The following CCDC88A variants were observed in gnomAD, a reference collection of about 807,000 sequenced individuals.
CCDC88A encodes girdin.
A neutral mutation model predicts 234.3 loss-of-function variants in CCDC88A; 54 were observed. That is an observed-to-expected ratio of 0.23 (90% CI 0.19 to 0.29). The LOEUF is 0.29. Among genes scored for constraint, CCDC88A ranks in the 10% least tolerant of loss-of-function variants. The probability of loss-of-function intolerance (pLI) is 1.00; values close to 1 mark genes in which losing one functional copy is unlikely to be tolerated. For synonymous variants in CCDC88A, 753 were observed against 737.8 expected (o/e 1.02, Z -0.33); for missense variants, 1,832 against 2,123.4 (o/e 0.86, Z 2.70).
chr2:55,293,524 A>G (rs1573971250), intron 31 of CCDC88A: 2 of 151,024 alleles, frequency 1.3e-5, no homozygotes, highest in African/African-American at 4.9e-5. Flanking sequence ...TAGCTATCGG[A>G]AAAAAAGTGT....
At chr2:55,304,370 T>C (rs74593437) in intron 25 of CCDC88A, among the ~76,000 whole-genome samples, 2,151 of 152,282 alleles carry the variant, frequency 0.014, 27 homozygotes, top group Middle Eastern at 0.027. Flanking sequence ...AGAAAATAAA[T>C]TCCTTCTTGG....
At chr2:55,347,496 G>A (rs1298937692) in intron 9 of CCDC88A, among the ~76,000 whole-genome samples, 3 of 151,578 alleles carry the variant, frequency 2.0e-5, no homozygotes, top group African/African-American at 7.3e-5. Context: ...ATTAAGCAAG[G>A]TATTAAAGAG....
intron 31 of CCDC88A, chr2:55,294,654 G>A: frequency 1.0e-6 from 1 of 991,810 alleles, no homozygotes; most frequent in Non-Finnish European, 1.2e-6. Context: ...GGTGGGAAGA[G>A]GAGGAAGGGA....
chr2:55,333,152 T>G (rs1685119923), intron 15 of CCDC88A, among the ~76,000 whole-genome samples: 1 of 152,194 alleles, frequency 6.6e-6, no homozygotes, highest in African/African-American at 2.4e-5. Context: ...GAACTTGTTG[T>G]TCATGTTTAT....
At position 55,328,969 on chromosome 2, in the gene CCDC88A, C is replaced by T. The variant is rs1313114400; in HGVS notation, c.2856-534G>A. The T allele has an allele frequency of 6.6e-6, 1 of 152,394 alleles. No homozygotes were observed. Among genetic ancestry groups the T allele is most frequent in the Non-Finnish European group, 1.5e-5 (1 of 68,262 alleles). The allele number at this position is 152,394 out of a possible 1,614,324, so 9.4% of individuals were successfully genotyped here. ...ATTTTTAGTAGAGATGGGGTTTCAC[C>T]ATGTTGATCAGGCTGGTCTCGAACT... On this transcript the variant is annotated intron_variant, in intron 16 of 32. Transcript: ENST00000436346. This position sits in a 1 kb window ranked among gnomAD's most constrained non-coding sequence, Gnocchi z 4.3.
rs567992818 is a variant in CCDC88A at position 55,366,350 on chromosome 2, A to G, written c.403-2317T>C. Among the ~76,000 whole-genome samples, 44 of 152,078 alleles carry G rather than the reference A, an allele frequency of 2.9e-4. 1 individual carries two copies. The South Asian group carries it at 8.7e-3, about 30-fold the overall frequency. ...AGACCAGCCTGGCCAACATGGTGAC[A>G]CCCTGTCTCTATTAAAAATACAAAA... On this transcript the variant is annotated intron_variant, in intron 5 of 32. Coordinates refer to ENST00000436346, the MANE Select transcript of CCDC88A (RefSeq NM_001365480.1).
rs973790356 is a variant in CCDC88A, at chr2:55,328,005, G to C, written c.2997+289C>G. 6.6e-6 allele frequency among the ~76,000 whole-genome samples: 1 copy of C among 152,082 alleles called. No homozygotes were observed. The highest frequency in any genetic ancestry group is 1.5e-5 in the Non-Finnish European group (1 of 68,002). On this transcript the variant is annotated intron_variant, in intron 17 of 32. Transcript: ENST00000436346. The surrounding 1 kb of genome is among the most constrained non-coding windows in gnomAD (Gnocchi z 4.3). The stretch of plus-strand genomic sequence containing the variant: ...GAGTGAAATGTCAGTATCACAATGA[G>C]AGCTTTTCCCAATAAAATAAGCCTG...
At chr2:55,402,423 A>C (rs1049426990) in intron 2 of CCDC88A, among the ~76,000 whole-genome samples, 2 of 152,156 alleles carry the variant, frequency 1.3e-5, no homozygotes, top group African/African-American at 4.8e-5. Context: ...AAAAAGGAAA[A>C]TTATTTGATT....
At chr2:55,293,822 G>C (rs1679719805) in intron 31 of CCDC88A, 1 of 151,972 alleles carries the variant, frequency 6.6e-6, no homozygotes, top group African/African-American at 2.4e-5. Flanking sequence ...CTGGGAGTTA[G>C]AGATTCAAAT....
chr2:55,322,717 A>C (rs1332336361), intron 17 of CCDC88A, 25 bp from the exon 18 acceptor site: 1 of 1,287,930 alleles, frequency 7.8e-7, no homozygotes, highest in African/African-American at 1.5e-5. Context: ...AAAATATTTT[A>C]ATGGGGAGAA....
chr2:55,389,168 A>G (rs1676181812), intron 2 of CCDC88A, among the ~76,000 whole-genome samples: 1 of 152,240 alleles, frequency 6.6e-6, no homozygotes, highest in Non-Finnish European at 1.5e-5. Flanking sequence ...TCCTGGGATG[A>G]ATAACTTACT....
At chr2:55,367,528 G>GTTTTTTGTTTTTTT (rs1553419617) in intron 5 of CCDC88A, among the ~76,000 whole-genome samples, 2 of 99,878 alleles carry the variant, frequency 2.0e-5, no homozygotes, top group South Asian at 6.8e-4. Flanking sequence ...TTATTTCCTT[G>GTTTTTTGTTTTTTT]TTTTTTTTTA....
intron 1 of CCDC88A, 24 bp from the exon 2 acceptor site, chr2:55,418,940 A>T (rs1446744345): frequency 6.2e-7 from 1 of 1,603,208 alleles, no homozygotes; most frequent in African/African-American, 1.3e-5. Flanking sequence ...AAGGATCACC[A>T]CGACATGAAC....
chr2:55,419,289 C>T lies in CCDC88A; in HGVS notation c.-210G>A, dbSNP rs1435469123. 3 of 543,862 alleles carry T rather than the reference C, an allele frequency of 5.5e-6. No homozygotes were observed. Among genetic ancestry groups the T allele is most frequent in the African/African-American group, 3.8e-5 (2 of 52,682 alleles). 33.7% of individuals were successfully genotyped at this position (543,862 alleles called of 1,614,324 possible). A position where few individuals can be genotyped will look rare whatever the true frequency, so the allele number is the denominator to read the frequency against. On this transcript the variant is annotated 5_prime_UTR_variant, in exon 1 of 33. Transcript: ENST00000436346. ...CCCAAGAAGTGGCTTCGACGACGGA[C>T]ACCACGAGCAGCAGCCTGCGCTGGA...
chr2:55,412,934 G>C (rs369679475), intron 2 of CCDC88A, among the ~76,000 whole-genome samples: 14 of 152,284 alleles, frequency 9.2e-5, no homozygotes, highest in African/African-American at 2.2e-4. Flanking sequence ...CAGGCGCAGT[G>C]GCTCATGCCT....
rs755475280 is a variant in CCDC88A at position 55,318,309 on chromosome 2, G to C, written c.3325-468C>G. 3.9e-4 allele frequency among the ~76,000 whole-genome samples: 59 copies of C among 152,202 alleles called. No individual in the cohort carries two copies. The Middle Eastern group carries it at 0.027, about 70-fold the overall frequency. On this transcript the variant is annotated intron_variant, in intron 19 of 32. Transcript: ENST00000436346. ...TAATCAAAATCAGTGTCAAAGAAAA[G>C]GGTTACAGAAAGAAGAATTCTTTGA...
intron 22 of CCDC88A, chr2:55,314,748 C>T (rs1236392601): frequency 6.6e-6 from 1 of 152,162 alleles, no homozygotes; most frequent in African/African-American, 2.4e-5. Flanking sequence ...TGAATTATCA[C>T]AAAGTAAACA....
In CCDC88A at chr2:55,322,024, T is replaced by C. The variant is rs542123922; in HGVS notation, c.3162+504A>G. Among the ~76,000 whole-genome samples the C allele has an allele frequency of 2.0e-5, 3 of 152,174 alleles. No homozygotes were observed. The East Asian group carries it at 5.8e-4, about 29-fold the overall frequency. ...GGGTAAGTATTTGTTGTTCAGTTTG[T>C]TTGCTTGTTGTTTACTGTCAAGTAT... On this transcript the variant is annotated intron_variant, in intron 18 of 32. Coordinates refer to ENST00000436346, the MANE Select transcript of CCDC88A (RefSeq NM_001365480.1).
intron 17 of CCDC88A, among the ~76,000 whole-genome samples, chr2:55,327,455 A>T (rs1411783800): frequency 3.9e-5 from 6 of 152,218 alleles, no homozygotes; most frequent in Admixed American, 1.3e-4. Context: ...GCTCCCGCAC[A>T]CACCCAGTGT....
Sources: gnomAD v4.1 joint callset for allele counts (sites outside exome capture counted in the v4.1 genomes callset) on GRCh38, gnomAD v4.1.1 for gene constraint, Gnocchi (gnomAD v3.1) non-coding constraint, MANE v1.5 for transcripts, NCBI Gene and HGNC (gene_info 2026-07-23, HGNC 2026-07-21) for gene names.